The following SCG5 variants were observed in gnomAD, a reference collection of about 807,000 sequenced individuals.
SCG5 encodes the protein neuroendocrine protein 7B2.
A neutral mutation model predicts 25.7 loss-of-function variants in SCG5; 18 were observed. The observed-to-expected ratio is 0.70, with a 90% CI of 0.48 to 1.04. The LOEUF is 1.04. Ranked by LOEUF, SCG5 falls within the 50% of genes least tolerant of loss-of-function variation. The probability of loss-of-function intolerance (pLI) is 0.00; values close to 1 mark genes in which losing one functional copy is unlikely to be tolerated. For synonymous variants in SCG5, 101 were observed against 91.7 expected, an observed-to-expected ratio of 1.10 and a Z score of -0.58; for missense variants, 206 against 259.8, an observed-to-expected ratio of 0.79 and a Z score of 1.42.
At chr15:32,669,266 G>A (rs537912297) in intron 2 of SCG5, 2 of 152,362 alleles carry the variant, frequency 1.3e-5, no homozygotes, top group South Asian at 2.1e-4. Context: ...TCATAAGTAA[G>A]TGTAGTTTCA....
chr15:32,683,892 G>A (rs1051624941), intron 3 of SCG5, among the ~76,000 whole-genome samples: 2 of 152,238 alleles, frequency 1.3e-5, no homozygotes, highest in Non-Finnish European at 2.9e-5. Context: ...TGCTTGCTCA[G>A]GAGAAAACAG....
At chr15:32,696,273 A>G (rs907196753) in intron 5 of SCG5, among the ~76,000 whole-genome samples, 5 of 151,796 alleles carry the variant, frequency 3.3e-5, no homozygotes, top group East Asian at 1.9e-4. Context: ...ACCCACCACC[A>G]CGCCCGGCTA....
intron 3 of SCG5, among the ~76,000 whole-genome samples, chr15:32,682,576 TG>T (rs1422935186): frequency 3.9e-5 from 6 of 152,230 alleles, no homozygotes; most frequent in Admixed American, 1.3e-4. Context: ...CTGGTAGAAT[TG>T]GACAAAATCC....
chr15:32,685,896 G>A (rs1434526967), intron 4 of SCG5, among the ~76,000 whole-genome samples: 1 of 152,120 alleles, frequency 6.6e-6, no homozygotes, highest in Non-Finnish European at 1.5e-5. Flanking sequence ...CTCATTATTG[G>A]CAGATGGCCT....
chr15:32,673,511 A>T (rs866253187), intron 2 of SCG5, among the ~76,000 whole-genome samples: 24 of 133,392 alleles, frequency 1.8e-4, no homozygotes, highest in Admixed American at 1.2e-3. Context: ...CAGAATCCAC[A>T]TTTGGATAAG....
chr15:32,692,320 T>A, intron 5 of SCG5: 2 of 977,314 alleles, frequency 2.0e-6, no homozygotes, highest in Non-Finnish European at 2.4e-6. Flanking sequence ...GTTTGCTGTC[T>A]GTTGAATTTA....
intron 2 of SCG5, among the ~76,000 whole-genome samples, chr15:32,662,939 C>A (rs1232700585): frequency 2.0e-5 from 3 of 149,748 alleles, no homozygotes; most frequent in Non-Finnish European, 4.4e-5. Flanking sequence ...ATTAGTTGGG[C>A]CTCTGTAATT....
chr15:32,665,419 C>T (rs2054302985), intron 2 of SCG5, among the ~76,000 whole-genome samples: 1 of 151,894 alleles, frequency 6.6e-6, no homozygotes, highest in Non-Finnish European at 1.5e-5. Flanking sequence ...CTGAAAGATG[C>T]AACATGGAGA....
At chr15:32,668,307 G>T (rs1245740683) in intron 2 of SCG5, among the ~76,000 whole-genome samples, 1 of 152,244 alleles carries the variant, frequency 6.6e-6, no homozygotes, top group African/African-American at 2.4e-5. Context: ...GCTTAGGATA[G>T]TGAAAAAGAA....
At position 32,679,846 on chromosome 15, in the gene SCG5, A is replaced by T. The variant is rs535823923; in HGVS notation, c.307A>T (p.Ile103Phe). 5 of 1,613,914 alleles carry T rather than the reference A, an allele frequency of 3.1e-6. No homozygotes were observed. The highest frequency in any genetic ancestry group is 4.5e-5 in the East Asian group (2 of 44,874). The change falls in exon 3 of 6, where the codon ATT becomes TTT. Residue 103 changes from isoleucine to phenylalanine, a missense_variant. Transcript: ENST00000300175. ...NIVAELTGDN[I>F]PKDFSEDQGY... The stretch of plus-strand genomic sequence containing the variant: ...CGTGGCAGAGTTGACTGGAGACAAC[A>T]TTCCTAAGGACTTTAGTGAGGATCA...
Position 32,643,585 on chromosome 15 carries a change from G to T in SCG5, c.-7-1G>T, listed in dbSNP as rs753564941. The T allele has an allele frequency of 6.2e-7, 1 of 1,610,214 alleles. No homozygotes were observed. The highest frequency in any genetic ancestry group is 2.2e-5 in the East Asian group (1 of 44,826). On this transcript the variant is annotated splice_acceptor_variant, in intron 1 of 5. Coordinates refer to ENST00000300175, the MANE Select transcript of SCG5 (RefSeq NM_001144757.3). LOFTEE classifies it low-confidence loss of function (5UTR_SPLICE). ...GTATACATTTGGTCTTTTATCTGCAGGTTGACAATGGTCTCCAGGATGGTC... is the reference window on the plus strand; with the variant it reads ...GTATACATTTGGTCTTTTATCTGCATGTTGACAATGGTCTCCAGGATGGTC...
chr15:32,692,250 TG>T, intron 5 of SCG5: 13 of 988,750 alleles, frequency 1.3e-5, no homozygotes, highest in Non-Finnish European at 1.6e-5. Context: ...ATTTCTCCTA[TG>T]TATCTTTTTT....
intron 2 of SCG5, among the ~76,000 whole-genome samples, chr15:32,679,170 T>C (rs2054574404): frequency 1.3e-5 from 2 of 151,072 alleles, no homozygotes. Flanking sequence ...ATCAGCCAAA[T>C]GGAACTCTCC....
chr15:32,681,946 G>A (rs570954760), intron 3 of SCG5, among the ~76,000 whole-genome samples: 19 of 152,340 alleles, frequency 1.2e-4, no homozygotes, highest in African/African-American at 4.6e-4. Flanking sequence ...AAGCCAATGT[G>A]TGGCTGCTGG....
At chr15:32,658,648 C>CT (rs1482840659) in intron 2 of SCG5, among the ~76,000 whole-genome samples, 1 of 152,186 alleles carries the variant, frequency 6.6e-6, no homozygotes, top group African/African-American at 2.4e-5. Context: ...AGCCTCCCTT[C>CT]TGCACCTTGC....
chr15:32,679,084 G>T (rs16965254), intron 2 of SCG5, among the ~76,000 whole-genome samples: 1 of 152,012 alleles, frequency 6.6e-6, no homozygotes, highest in Non-Finnish European at 1.5e-5. Context: ...CAAGCTCCAC[G>T]CCCAGCTTCC....
intron 2 of SCG5, among the ~76,000 whole-genome samples, chr15:32,651,672 T>C (rs1303904101): frequency 6.6e-6 from 1 of 152,240 alleles, no homozygotes; most frequent in Non-Finnish European, 1.5e-5. Context: ...TGGGGTTGCA[T>C]TTTGTCCACC....
At chr15:32,684,394 C>G (rs2054668439) in intron 3 of SCG5, 163 bp from the exon 4 acceptor site, 1 of 599,688 alleles carries the variant, frequency 1.7e-6, no homozygotes, top group South Asian at 2.1e-5. Flanking sequence ...ATGAGTAATC[C>G]TATCTAACTG....
In SCG5 at chr15:32,669,400, G is replaced by A. The variant is rs147710421; in HGVS notation, c.227-10366G>A. 1.7e-3 allele frequency among the ~76,000 whole-genome samples: 264 copies of A among 152,004 alleles called. 6 individuals are homozygous for A. In the East Asian group the frequency reaches 0.043, roughly 25 times the overall value. ...ACAGTTTTGTGTCCATATCCTCACC[G>A]AATCCCAACCACCACCACCACAGTT... On this transcript the variant is annotated intron_variant, in intron 2 of 5. Transcript: ENST00000300175.
Sources: allele counts gnomAD v4.1 joint callset (sites outside exome capture counted in the v4.1 genomes callset), GRCh38; gene constraint gnomAD v4.1.1; transcripts MANE v1.5; gene names NCBI Gene and HGNC (gene_info 2026-07-23, HGNC 2026-07-21).